Variants in TBX20 observed in about 807,000 individuals in gnomAD.
The protein encoded by TBX20 is T-box transcription factor 20.
In TBX20, 8 loss-of-function variants were observed where a neutral mutation model predicts 42.9. That is an observed-to-expected ratio of 0.19 (90% CI 0.11 to 0.34). The LOEUF is 0.34. Among genes scored for constraint, TBX20 ranks in the 10% least tolerant of loss-of-function variants. The pLI is 1.00. For synonymous variants in TBX20, 198 were observed against 222.8 expected, an observed-to-expected ratio of 0.89 and a Z score of 0.99; for missense variants, 411 against 566.0, an observed-to-expected ratio of 0.73 and a Z score of 2.78.
intron 6 of TBX20, among the ~76,000 whole-genome samples, chr7:35,208,284 C>T (rs1789433754): frequency 6.6e-6 from 1 of 152,104 alleles, no homozygotes; most frequent in South Asian, 2.1e-4. Context: ...ACTTGCCAAA[C>T]ACTTATTTGT....
At chr7:35,209,732 G>A (rs1220408581) in intron 6 of TBX20, among the ~76,000 whole-genome samples, 1 of 152,040 alleles carries the variant, frequency 6.6e-6, no homozygotes, top group Non-Finnish European at 1.5e-5. Flanking sequence ...CTAGTTTCTT[G>A]AGATGGAAGA....
rs1584342563 is a variant in TBX20 at position 35,213,936 on chromosome 7, G to T, written c.891-9354C>A. ...TAATGAGTGATGAGGGTAAAGGGAA[G>T]ACTGGGAGTTGGGGTGAAAAGTGGG... On this transcript the variant is annotated intron_variant, in intron 6 of 7. Coordinates refer to ENST00000408931, the MANE Select transcript of TBX20 (RefSeq NM_001077653.2). Among the ~76,000 whole-genome samples the T allele has an allele frequency of 3.4e-5, 5 of 147,506 alleles. 2 individuals are homozygous for T. In the Admixed American group the frequency reaches 3.4e-4, roughly 10 times the overall value.
intron 6 of TBX20, among the ~76,000 whole-genome samples, chr7:35,219,857 T>C (rs368180916): frequency 1.3e-5 from 2 of 152,012 alleles, no homozygotes; most frequent in East Asian, 3.9e-4. Context: ...TAGAGTACAC[T>C]TGAGCTCTGA....
intron 4 of TBX20, among the ~76,000 whole-genome samples, chr7:35,242,649 C>G (rs1584356195): frequency 6.6e-6 from 1 of 152,276 alleles, no homozygotes; most frequent in East Asian, 1.9e-4. Flanking sequence ...CTTCTACCAC[C>G]TGAAGGTTAA....
At chr7:35,226,092 T>C (rs1789766530) in intron 6 of TBX20, among the ~76,000 whole-genome samples, 1 of 152,076 alleles carries the variant, frequency 6.6e-6, no homozygotes, top group Non-Finnish European at 1.5e-5. Context: ...TGTATGTCTA[T>C]TTTATAATGT....
At chr7:35,232,969 G>T (rs1789895828) in intron 5 of TBX20, among the ~76,000 whole-genome samples, 1 of 152,206 alleles carries the variant, frequency 6.6e-6, no homozygotes, top group Non-Finnish European at 1.5e-5. Context: ...GCAGTGAGCC[G>T]AGATCGCGCC....
At chr7:35,225,312 TA>T (rs984155509) in intron 6 of TBX20, among the ~76,000 whole-genome samples, 12 of 152,030 alleles carry the variant, frequency 7.9e-5, no homozygotes, top group East Asian at 3.9e-4. Flanking sequence ...GTTGCCACAT[TA>T]AAAAAAATAC....
chr7:35,238,685 C>T (rs780828744), intron 5 of TBX20, among the ~76,000 whole-genome samples: 10 of 152,172 alleles, frequency 6.6e-5, no homozygotes, highest in Non-Finnish European at 1.3e-4. Flanking sequence ...GTTCCAGATT[C>T]GCAGAGAAAC....
At chr7:35,240,029 C>T (rs1790044873) in intron 5 of TBX20, among the ~76,000 whole-genome samples, 1 of 152,160 alleles carries the variant, frequency 6.6e-6, no homozygotes, top group African/African-American at 2.4e-5. Flanking sequence ...GGATTACAGG[C>T]ATGTGCCACC....
At chr7:35,231,122 T>C (rs988364688) in intron 6 of TBX20, among the ~76,000 whole-genome samples, 2 of 152,212 alleles carry the variant, frequency 1.3e-5, no homozygotes, top group Non-Finnish European at 2.9e-5. Flanking sequence ...TTACACTCTT[T>C]GTGTTAGCAA....
At chr7:35,218,967 T>C (rs545818093) in intron 6 of TBX20, among the ~76,000 whole-genome samples, 9 of 152,324 alleles carry the variant, frequency 5.9e-5, no homozygotes, top group African/African-American at 2.2e-4. Context: ...ATGCTAAACC[T>C]GCCAGTACCT....
intron 3 of TBX20, among the ~76,000 whole-genome samples, chr7:35,247,621 A>G (rs1004015924): frequency 1.3e-4 from 20 of 152,188 alleles, no homozygotes; most frequent in Non-Finnish European, 2.9e-4. Context: ...TGCCTTGACT[A>G]TGACTCCAGA....
intron 6 of TBX20, among the ~76,000 whole-genome samples, chr7:35,205,401 T>C (rs1353583839): frequency 6.7e-6 from 1 of 150,156 alleles, no homozygotes; most frequent in South Asian, 2.1e-4. Context: ...TCGCCAAAAG[T>C]GCATACTGAT....
At chr7:35,213,962 G>C (rs1221900843) in intron 6 of TBX20, among the ~76,000 whole-genome samples, 5 of 151,276 alleles carry the variant, frequency 3.3e-5, no homozygotes. Context: ...GAAAAGTGGG[G>C]GAGAGAATAA....
At chr7:35,247,150 G>C (rs1266136363) in intron 3 of TBX20, among the ~76,000 whole-genome samples, 5 of 127,000 alleles carry the variant, frequency 3.9e-5, no homozygotes, top group Non-Finnish European at 8.1e-5. Context: ...ACTTCTTAGA[G>C]GAAAGACTGG....
intron 7 of TBX20, among the ~76,000 whole-genome samples, 164 bp from the exon 8 acceptor site, chr7:35,202,934 AGG>A (rs1191001110): frequency 3.9e-5 from 6 of 152,204 alleles, no homozygotes; most frequent in Admixed American, 2.6e-4. Context: ...CTACTTTTCT[AGG>A]TAAGAAGATG....
At chr7:35,231,641 A>T in intron 5 of TBX20, 61 bp from the exon 6 acceptor site, 8 of 1,166,862 alleles carry the variant, frequency 6.9e-6, no homozygotes, top group Non-Finnish European at 1.0e-5. Context: ...AAAATCAGAA[A>T]TAGTTTGTTC....
chr7:35,248,787 C>T lies in TBX20; in HGVS notation c.435G>A (p.Lys145=). ...VSFSGVDPEA[K]YIVLMDIVPV... is the part of the protein sequence containing the mutation. ...GGACGATGTCCATCAGGACTATGTA[C>T]TTGGCCTCAGGATCCACCCCCGAAA... The change falls in exon 3 of 8, where the codon AAG becomes AAA. Residue 145 remains lysine (K), a synonymous_variant. Transcript: ENST00000408931. The T allele has an allele frequency of 6.2e-7, 1 of 1,614,148 alleles. No individual in the cohort carries two copies. The highest frequency in any genetic ancestry group is 1.3e-5 in the African/African-American group (1 of 75,012).
intron 6 of TBX20, among the ~76,000 whole-genome samples, chr7:35,229,418 A>T (rs917171890): frequency 2.0e-5 from 3 of 152,166 alleles, no homozygotes; most frequent in Non-Finnish European, 4.4e-5. Flanking sequence ...TTTATGAAAA[A>T]TTCAGACTTA....
Sources: allele counts gnomAD v4.1 joint callset (sites outside exome capture counted in the v4.1 genomes callset), GRCh38; gene constraint gnomAD v4.1.1; transcripts MANE v1.5; gene names NCBI Gene and HGNC (gene_info 2026-07-23, HGNC 2026-07-21).